Variants in NRXN1 observed in about 807,000 individuals in gnomAD.
The protein encoded by NRXN1 is neurexin-1.
Under a neutral mutation model 150.9 loss-of-function variants are expected in NRXN1, and 39 were observed. That is an observed-to-expected ratio of 0.26 (90% CI 0.20 to 0.34). NRXN1 has a LOEUF of 0.34. Among genes scored for constraint, NRXN1 ranks in the 10% least tolerant of loss-of-function variants. The pLI is 1.00. For missense variants in NRXN1, 1,815 were observed against 1,949.9 expected (o/e 0.93, Z 1.30); for synonymous variants, 924 against 757.0 (o/e 1.22, Z -3.62).
chr2:50,472,205 C>A (rs2104704780), intron 16 of NRXN1, 93 bp downstream of exon 16: 8 of 1,097,512 alleles, frequency 7.3e-6, no homozygotes, highest in Admixed American at 3.4e-5. Flanking sequence ...GGTATTTGAC[C>A]AGTTATCAGA....
intron 22 of NRXN1, among the ~76,000 whole-genome samples, chr2:49,932,962 A>T (rs955320794): frequency 1.3e-5 from 2 of 152,132 alleles, no homozygotes; most frequent in African/African-American, 4.8e-5. Context: ...CTAATATTTT[A>T]TATACTCAGT....
intron 17 of NRXN1, among the ~76,000 whole-genome samples, chr2:50,427,874 G>A (rs2084630286): frequency 6.6e-6 from 1 of 152,140 alleles, no homozygotes; most frequent in Non-Finnish European, 1.5e-5. Context: ...AAAAATGCCT[G>A]ACTTTAGAGA....
intron 18 of NRXN1, among the ~76,000 whole-genome samples, chr2:50,231,040 C>T (rs530597002): frequency 5.9e-5 from 9 of 151,962 alleles, no homozygotes; most frequent in South Asian, 2.1e-4. Flanking sequence ...AAAGCTACCT[C>T]GTGATACGGC....
chr2:50,362,689 A>C (rs1450591954), intron 17 of NRXN1, among the ~76,000 whole-genome samples: 1 of 152,226 alleles, frequency 6.6e-6, no homozygotes, highest in African/African-American at 2.4e-5. Context: ...TATGCATTTA[A>C]TGTTTTTCCC....
chr2:50,348,465 C>T (rs1226725659), intron 17 of NRXN1, among the ~76,000 whole-genome samples: 1 of 152,188 alleles, frequency 6.6e-6, no homozygotes, highest in Non-Finnish European at 1.5e-5. Flanking sequence ...TATTTAAGAT[C>T]TTCCAAGATC....
chr2:50,070,195 G>A (rs1195985621), intron 19 of NRXN1, among the ~76,000 whole-genome samples: 1 of 151,938 alleles, frequency 6.6e-6, no homozygotes, highest in Non-Finnish European at 1.5e-5. Context: ...GAAGGACAAG[G>A]CATTATGATA....
intron 21 of NRXN1, among the ~76,000 whole-genome samples, chr2:50,019,962 AAAAAAAAAAAAG>A (rs1245915679): frequency 7.5e-6 from 1 of 133,414 alleles, no homozygotes; most frequent in African/African-American, 2.7e-5. Flanking sequence ...AAAAAAAAAA[AAAAAAAAAAAAG>A]AGAGAGAGAG....
At chr2:50,925,344 T>G (rs1365111178) in intron 3 of NRXN1, among the ~76,000 whole-genome samples, 1 of 151,882 alleles carries the variant, frequency 6.6e-6, no homozygotes, top group Non-Finnish European at 1.5e-5. Context: ...CTGAATAAAA[T>G]ATTTAGCAGG....
chr2:50,552,530 G>A (rs1423753848), intron 9 of NRXN1, 57 bp downstream of exon 9: 3 of 1,324,024 alleles, frequency 2.3e-6, no homozygotes, highest in Admixed American at 1.8e-5. Flanking sequence ...TTTAGGAATG[G>A]CATGGGTGGG....
intron 5 of NRXN1, among the ~76,000 whole-genome samples, chr2:50,831,401 A>G (rs887914792): frequency 6.6e-6 from 1 of 152,182 alleles, no homozygotes; most frequent in African/African-American, 2.4e-5. Context: ...AAACATGTCT[A>G]ATTCCCTTTT....
intron 17 of NRXN1, among the ~76,000 whole-genome samples, chr2:50,397,440 T>C (rs2082120909): frequency 6.6e-6 from 1 of 152,106 alleles, no homozygotes; most frequent in East Asian, 1.9e-4. Context: ...TTGGCTTGCA[T>C]ACGTTGGCTC....
chr2:50,963,614 G>C (rs1415807640), intron 2 of NRXN1, among the ~76,000 whole-genome samples: 1 of 151,652 alleles, frequency 6.6e-6, no homozygotes, highest in Non-Finnish European at 1.5e-5. Flanking sequence ...TATTCATGGA[G>C]ATGTTGCCAG....
intron 8 of NRXN1, among the ~76,000 whole-genome samples, chr2:50,601,495 C>A (rs972112): frequency 0.83 from 125,575 of 152,180 alleles, 52,553 homozygotes; most frequent in African/African-American, 0.95. Context: ...AATAACTCTC[C>A]GTAATTATGA....
At chr2:50,471,213 C>T (rs1230056854) in intron 16 of NRXN1, among the ~76,000 whole-genome samples, 6 of 151,578 alleles carry the variant, frequency 4.0e-5, no homozygotes, top group African/African-American at 1.5e-4. Flanking sequence ...AAGTCTTGTA[C>T]GTTGTACCCA....
At chr2:50,450,108 C>T (rs1454925999) in intron 17 of NRXN1, among the ~76,000 whole-genome samples, 4 of 152,140 alleles carry the variant, frequency 2.6e-5, no homozygotes, top group African/African-American at 7.2e-5. Context: ...ATAGAAGGTG[C>T]TCAAGGGATG....
chr2:50,553,794 T>C (rs1049541342), intron 8 of NRXN1, among the ~76,000 whole-genome samples: 10 of 152,336 alleles, frequency 6.6e-5, no homozygotes, highest in African/African-American at 2.4e-4. Context: ...GGCACTTCAG[T>C]GAAAGAGGCT....
intron 19 of NRXN1, among the ~76,000 whole-genome samples, chr2:50,063,059 A>C (rs1694793802): frequency 6.6e-6 from 1 of 152,180 alleles, no homozygotes; most frequent in African/African-American, 2.4e-5. Context: ...TTTTTAAATG[A>C]GAACAAGACA....
At chr2:50,462,127 G>A (rs1292485348) in intron 17 of NRXN1, among the ~76,000 whole-genome samples, 3 of 151,870 alleles carry the variant, frequency 2.0e-5, no homozygotes, top group Non-Finnish European at 4.4e-5. Context: ...CATGTGTCTA[G>A]CACGCTTTGA....
chr2:50,381,385 A>C (rs1055873971), intron 17 of NRXN1, among the ~76,000 whole-genome samples: 1 of 152,052 alleles, frequency 6.6e-6, no homozygotes, highest in African/African-American at 2.4e-5. Context: ...TTAAAGGATG[A>C]ATTACCAAAG....
Sources: allele counts gnomAD v4.1 joint callset (sites outside exome capture counted in the v4.1 genomes callset), GRCh38; gene constraint gnomAD v4.1.1; transcripts MANE v1.5; gene names NCBI Gene and HGNC (gene_info 2026-07-23, HGNC 2026-07-21).